PCDHA7: variants seen among roughly 807,000 people sequenced by gnomAD.
PCDHA7 encodes protocadherin alpha-7.
A neutral mutation model predicts 57.2 loss-of-function variants in PCDHA7; 37 were observed. That is an observed-to-expected ratio of 0.65 (90% CI 0.50 to 0.85). PCDHA7 has a LOEUF of 0.85. PCDHA7 is among the 40% of genes least tolerant of loss of function. The pLI, the probability that PCDHA7 is intolerant of heterozygous loss-of-function variation, is 0.00. For synonymous variants in PCDHA7, 553 were observed against 558.8 expected (o/e 0.99, Z 0.15); for missense variants, 1,188 against 1,241.8 (o/e 0.96, Z 0.65).
chr5:140,866,967 C>T (rs1315852276), intron 1 of PCDHA7: 7 of 152,134 alleles, frequency 4.6e-5, no homozygotes, highest in African/African-American at 1.7e-4. Context: ...ATGGTGACAT[C>T]TGAAATATCA....
chr5:140,837,994 C>CT lies in PCDHA7; in HGVS notation c.2355+1264dup, dbSNP rs2150281652. Among the ~76,000 whole-genome samples, 95 of 150,614 alleles carry CT rather than the reference C, an allele frequency of 6.3e-4. 1 individual carries two copies. Among genetic ancestry groups the CT allele is most frequent in the African/African-American group, 9.0e-4 (37 of 40,918 alleles). On this transcript the variant is annotated intron_variant, in intron 1 of 3. Transcript: ENST00000525929. ...ACACCCAGCCTGCCTTTCATCTTTC[C>CT]TTTTTTTTAAAAAAAGAAGTGATTA... is the stretch of plus-strand genomic sequence containing the variant.
intron 1 of PCDHA7, chr5:140,928,272 TG>T (rs781906023): frequency 6.2e-7 from 1 of 1,614,156 alleles, no homozygotes; most frequent in Non-Finnish European, 8.5e-7. Context: ...ACAATGGCCC[TG>T]GGGCCTCTCT....
At chr5:141,002,342 C>A (rs1047277199) in intron 3 of PCDHA7, among the ~76,000 whole-genome samples, 3 of 152,070 alleles carry the variant, frequency 2.0e-5, no homozygotes, top group African/African-American at 4.8e-5. Flanking sequence ...CGCACCCCTT[C>A]CCCCACCTCC....
intron 1 of PCDHA7, among the ~76,000 whole-genome samples, chr5:140,914,813 C>T (rs1346638828): frequency 6.6e-6 from 1 of 152,070 alleles, no homozygotes; most frequent in Non-Finnish European, 1.5e-5. Flanking sequence ...GGCAACTTAA[C>T]AGACTGCATA....
chr5:140,937,567 G>A lies in PCDHA7; in HGVS notation c.2356-41382G>A, dbSNP rs1218260457. On this transcript the variant is annotated intron_variant, in intron 1 of 3. Transcript: ENST00000525929. ...GCGAGGCAGAGGTTGCAGTGAGCTG[G>A]GATCGCGTCACTGCACTCTAGCCTG... 1.9e-3 allele frequency among the ~76,000 whole-genome samples: 288 copies of A among 150,684 alleles called. 1 individual carries two copies. Among genetic ancestry groups the A allele is most frequent in the African/African-American group, 6.8e-3 (278 of 40,792 alleles).
rs1554262551 is a variant in PCDHA7, at chr5:141,009,910, C to T, written c.2787C>T (p.Asn929=). 1 of 1,612,616 alleles carries T rather than the reference C, an allele frequency of 6.2e-7. No individual in the cohort carries two copies. Among genetic ancestry groups the T allele is most frequent in the Middle Eastern group, 1.7e-4 (1 of 6,048 alleles). Residue 929 remains asparagine (N), a synonymous_variant, in exon 4 of 4, where the codon AAC becomes AAT. Transcript: ENST00000525929. ...NKTQEKKEKG[N]STTDNSDQ Reference sequence around the variant, plus strand: ...CCCAGGAGAAAAAAGAGAAAGGGAACAGCACGACTGACAACAGTGACCAGT... The same window carrying T: ...CCCAGGAGAAAAAAGAGAAAGGGAATAGCACGACTGACAACAGTGACCAGT...
intron 1 of PCDHA7, among the ~76,000 whole-genome samples, chr5:140,895,125 G>T (rs1165797883): frequency 2.0e-5 from 3 of 152,068 alleles, no homozygotes; most frequent in African/African-American, 7.2e-5. Flanking sequence ...TTTGTTAGTT[G>T]ACAAGTTCAT....
intron 1 of PCDHA7, among the ~76,000 whole-genome samples, chr5:140,946,611 A>AATATATATATATATATATATAT (rs1554217734): frequency 0.012 from 1,017 of 86,324 alleles, 26 homozygotes; most frequent in Middle Eastern, 0.016. Flanking sequence ...GAAAATGTGA[A>AATATATATATATATATATATAT]ATATATATAT....
rs1277596666 is a variant in PCDHA7 at position 140,856,532 on chromosome 5, G to A, written c.2355+19794G>A. ...AGAAGGCGCATCTGATGCGGATGTT[G>A]GAGAGAACGCATTGCTTACTTACAA... On this transcript the variant is annotated intron_variant, in intron 1 of 3. Transcript: ENST00000525929. The A allele has an allele frequency of 1.9e-6, 3 of 1,598,248 alleles. 1 individual carries two copies. The highest frequency in any genetic ancestry group is 2.6e-6 in the Non-Finnish European group (3 of 1,167,844).
intron 1 of PCDHA7, among the ~76,000 whole-genome samples, chr5:140,974,059 G>A (rs1233997260): frequency 6.6e-6 from 1 of 152,180 alleles, no homozygotes; most frequent in Non-Finnish European, 1.5e-5. Context: ...AATATTTGGA[G>A]CAGTATAATC....
chr5:140,848,506 C>A (rs1229499943), intron 1 of PCDHA7: 1 of 1,588,430 alleles, frequency 6.3e-7, no homozygotes. Context: ...ATGTTATACT[C>A]AAGTCGAGGA....
chr5:140,882,935 ACTGGCACAGTTCAG>A (rs2153388631), intron 1 of PCDHA7: 1 of 1,614,238 alleles, frequency 6.2e-7, no homozygotes, highest in East Asian at 2.2e-5. Flanking sequence ...ACCCGAGCTG[ACTGGCACAGTTCAG>A]CTGCTCATCA....
At position 140,856,290 on chromosome 5, in the gene PCDHA7, G is replaced by A. The variant is rs143002904; in HGVS notation, c.2355+19552G>A. 7.5e-3 allele frequency: 12,003 copies of A among 1,598,482 alleles called. 1,113 individuals are homozygous for A. The highest frequency in any genetic ancestry group is 7.4e-3 in the Non-Finnish European group (8,655 of 1,168,072). On this transcript the variant is annotated intron_variant, in intron 1 of 3. Coordinates refer to ENST00000525929, the MANE Select transcript of PCDHA7 (RefSeq NM_018910.3). ...CTTCTGGAGGTAAATCTGCAGAATG[G>A]CATTTTGTTTGTGAATTCTCGGATT...
chr5:140,995,956 G>A (rs1480673532), intron 3 of PCDHA7, among the ~76,000 whole-genome samples: 1 of 152,214 alleles, frequency 6.6e-6, no homozygotes, highest in African/African-American at 2.4e-5. Flanking sequence ...CACGCAAAAT[G>A]CTTAGAACCA....
At chr5:140,961,646 T>C (rs554070301) in intron 1 of PCDHA7, among the ~76,000 whole-genome samples, 19 of 152,328 alleles carry the variant, frequency 1.2e-4, no homozygotes, top group African/African-American at 4.6e-4. Flanking sequence ...TAAGTCTATG[T>C]GGTTAGTTTG....
chr5:140,842,047 C>T (rs2150327967), intron 1 of PCDHA7: 2 of 1,613,806 alleles, frequency 1.2e-6, no homozygotes, highest in Non-Finnish European at 8.5e-7. Context: ...CTCCCACTTT[C>T]GAACAGTCTG....
At chr5:140,870,371 T>C (rs1419353241) in intron 1 of PCDHA7, 52 of 1,613,894 alleles carry the variant, frequency 3.2e-5, no homozygotes, top group Non-Finnish European at 4.2e-5. Flanking sequence ...TATGAACTGG[T>C]GGTGACTGCG....
Position 140,842,399 on chromosome 5 carries a change from C to T in PCDHA7, c.2355+5661C>T, listed in dbSNP as rs2150335315. The T allele has an allele frequency of 1.9e-5, 30 of 1,611,330 alleles. No individual in the cohort carries two copies. The South Asian group carries it at 3.2e-4, about 17-fold the overall frequency. Reference sequence around the variant, plus strand: ...ACTGACTTCCTTATCCTTGCCTGTACGTGAAGACGCTCAATTTGGTACTGT... The same window carrying T: ...ACTGACTTCCTTATCCTTGCCTGTATGTGAAGACGCTCAATTTGGTACTGT... On this transcript the variant is annotated intron_variant, in intron 1 of 3. Transcript: ENST00000525929.
intron 1 of PCDHA7, among the ~76,000 whole-genome samples, chr5:140,924,406 C>T (rs1353288147): frequency 6.6e-6 from 1 of 152,132 alleles, no homozygotes; most frequent in Non-Finnish European, 1.5e-5. Context: ...CCTTATATCA[C>T]AGTGTGCCCT....
Sources: allele counts gnomAD v4.1 joint callset (sites outside exome capture counted in the v4.1 genomes callset), GRCh38; gene constraint gnomAD v4.1.1; transcripts MANE v1.5; gene names NCBI Gene and HGNC (gene_info 2026-07-23, HGNC 2026-07-21).